PSPH: variants seen among roughly 807,000 people sequenced by gnomAD.
The protein encoded by PSPH is L-3-phosphoserine phosphatase.
In PSPH, 16 loss-of-function variants were observed where a neutral mutation model predicts 23.4. The ratio of observed to expected loss-of-function variants is 0.68; its 90% CI spans 0.46 to 1.04. The LOEUF is 1.04. PSPH is among the 50% of genes least tolerant of loss of function. The pLI, the probability that PSPH is intolerant of heterozygous loss-of-function variation, is 0.00. For synonymous variants in PSPH, 68 were observed against 99.7 expected (o/e 0.68, Z 1.89); for missense variants, 223 against 273.7 (o/e 0.81, Z 1.31).
At chr7:56,031,321 C>G (rs186207526) in intron 3 of PSPH, among the ~76,000 whole-genome samples, 6 of 152,074 alleles carry the variant, frequency 3.9e-5, no homozygotes, top group African/African-American at 1.4e-4. Context: ...CTGGGTACTG[C>G]GCTCAAACCC....
At chr7:56,018,897 A>G (rs958813884) in intron 5 of PSPH, among the ~76,000 whole-genome samples, 1 of 151,430 alleles carries the variant, frequency 6.6e-6, no homozygotes, top group Non-Finnish European at 1.5e-5. Flanking sequence ...TTGAGCCCAG[A>G]AGGCTGATGC....
chr7:56,037,332 T>C (rs931879830), intron 1 of PSPH, among the ~76,000 whole-genome samples: 1 of 152,056 alleles, frequency 6.6e-6, no homozygotes, highest in African/African-American at 2.4e-5. Context: ...AATAAAAATA[T>C]TAGCAAATTA....
chr7:56,030,470 C>T (rs1242491889), intron 3 of PSPH, among the ~76,000 whole-genome samples: 2 of 152,094 alleles, frequency 1.3e-5, no homozygotes, highest in Non-Finnish European at 2.9e-5. Context: ...AAAACATGTC[C>T]TTTGCTGCAA....
intron 3 of PSPH, among the ~76,000 whole-genome samples, chr7:56,029,237 T>C (rs1229822255): frequency 1.3e-5 from 2 of 152,088 alleles, no homozygotes; most frequent in Admixed American, 1.3e-4. Context: ...AAGTAAATTG[T>C]GTACATTAGA....
intron 3 of PSPH, among the ~76,000 whole-genome samples, chr7:56,028,016 T>C (rs1790459097): frequency 7.0e-6 from 1 of 143,534 alleles, no homozygotes; most frequent in Non-Finnish European, 1.5e-5. Context: ...GCCACAGCAC[T>C]CCAGCCTGGG....
At chr7:56,044,234 G>A (rs574767291) in intron 1 of PSPH, among the ~76,000 whole-genome samples, 145 of 152,234 alleles carry the variant, frequency 9.5e-4, no homozygotes, top group Non-Finnish European at 1.9e-3. Flanking sequence ...GAGCCACTGT[G>A]CCTGGTCTTG....
chr7:56,033,908 A>G (rs1237777964), intron 2 of PSPH, 53 bp downstream of exon 2: 1 of 152,262 alleles, frequency 6.6e-6, no homozygotes, highest in Non-Finnish European at 1.5e-5. Context: ...AGGAAAAGGA[A>G]AGTCGGCAAA....
At chr7:56,030,680 C>G (rs1790855772) in intron 3 of PSPH, among the ~76,000 whole-genome samples, 1 of 149,008 alleles carries the variant, frequency 6.7e-6, no homozygotes, top group Admixed American at 6.7e-5. Flanking sequence ...GGGCAACTCA[C>G]TTGAGATCAA....
intron 5 of PSPH, 134 bp downstream of exon 5, chr7:56,019,466 A>T (rs1584399368): frequency 2.6e-6 from 3 of 1,161,788 alleles, no homozygotes; most frequent in Admixed American, 3.0e-5. Context: ...AAAAATAATT[A>T]AAAAATTAAA....
intron 4 of PSPH, among the ~76,000 whole-genome samples, chr7:56,020,625 G>A (rs1367759308): frequency 4.3e-4 from 39 of 90,092 alleles, no homozygotes; most frequent in Admixed American, 2.1e-3. Context: ...ACTCCGTCTC[G>A]AAAAAAAAAA....
intron 1 of PSPH, among the ~76,000 whole-genome samples, chr7:56,037,140 C>T (rs553669053): frequency 4.5e-4 from 67 of 149,112 alleles, no homozygotes; most frequent in Non-Finnish European, 8.4e-4. Context: ...CACCACTGCA[C>T]TCCAGCCTGT....
intron 1 of PSPH, among the ~76,000 whole-genome samples, chr7:56,035,851 C>T (rs908738846): frequency 1.3e-5 from 2 of 152,000 alleles, no homozygotes; most frequent in African/African-American, 4.8e-5. Context: ...AACTCCTGAC[C>T]TCAAATGATC....
chr7:56,036,785 A>C (rs1272996964), intron 1 of PSPH, among the ~76,000 whole-genome samples: 1 of 152,182 alleles, frequency 6.6e-6, no homozygotes, highest in Non-Finnish European at 1.5e-5. Context: ...ATATATATAT[A>C]GTTGCCTAGA....
At chr7:56,014,051 C>T (rs530389611) in intron 7 of PSPH, among the ~76,000 whole-genome samples, 7 of 152,156 alleles carry the variant, frequency 4.6e-5, no homozygotes, top group South Asian at 2.1e-4. Flanking sequence ...ATCACTTGAG[C>T]CCAGAGGGCG....
chr7:56,036,724 G>A (rs1366376300), intron 1 of PSPH, among the ~76,000 whole-genome samples: 1 of 152,170 alleles, frequency 6.6e-6, no homozygotes, highest in African/African-American at 2.4e-5. Context: ...TTGTGAGCAT[G>A]AGATGGCTGT....
rs146693383 is a variant in PSPH, at chr7:56,013,564, G to A, written c.570+1459C>T. 3.3e-5 allele frequency among the ~76,000 whole-genome samples: 5 copies of A among 151,526 alleles called. No homozygotes were observed. The East Asian group carries it at 9.8e-4, about 30-fold the overall frequency. ...TCTCAGAAAATGACATTAATTCAGAGGAATAAAATGCTGTTGTGGTGTGGG... is the reference window on the plus strand; with the variant it reads ...TCTCAGAAAATGACATTAATTCAGAAGAATAAAATGCTGTTGTGGTGTGGG... On this transcript the variant is annotated intron_variant, in intron 7 of 7. Transcript: ENST00000275605.
intron 1 of PSPH, among the ~76,000 whole-genome samples, chr7:56,038,902 G>C (rs577614383): frequency 6.6e-6 from 1 of 152,040 alleles, no homozygotes; most frequent in African/African-American, 2.4e-5. Context: ...ACAGCACTTT[G>C]AGAGGCTGAG....
chr7:56,031,229 A>C (rs1790956524), intron 3 of PSPH, among the ~76,000 whole-genome samples: 1 of 151,592 alleles, frequency 6.6e-6, no homozygotes, highest in Admixed American at 6.6e-5. Context: ...AAAAAAAAAA[A>C]AACAAACAAA....
chr7:56,013,514 T>C, intron 7 of PSPH, among the ~76,000 whole-genome samples: 1 of 74,044 alleles, frequency 1.4e-5, no homozygotes. Flanking sequence ...CAAGAACCTG[T>C]CTCAAAAAAT....
Sources: gnomAD v4.1 joint callset for allele counts (sites outside exome capture counted in the v4.1 genomes callset) on GRCh38, gnomAD v4.1.1 for gene constraint, MANE v1.5 for transcripts, NCBI Gene and HGNC (gene_info 2026-07-23, HGNC 2026-07-21) for gene names.